The following DEXI variants were observed in gnomAD, a reference collection of about 807,000 sequenced individuals.
DEXI encodes the protein Dexi homolog, also known as dexamethasone-induced protein.
DEXI carries 2 observed loss-of-function variants against 2.5 expected under a neutral mutation model. That is an observed-to-expected ratio of 0.81 (90% CI 0.33 to 2.55). The LOEUF (loss-of-function observed/expected upper bound fraction) is 2.55. DEXI is among the 30% of genes most tolerant of loss of function. DEXI has a pLI of 0.11. For synonymous variants in DEXI, 71 were observed against 68.7 expected, an observed-to-expected ratio of 1.03 and a Z score of -0.17; for missense variants, 108 against 130.3, an observed-to-expected ratio of 0.83 and a Z score of 0.83.
At position 10,934,752 on chromosome 16, in the gene DEXI, G is replaced by A. The variant is rs1332535026; in HGVS notation, c.*150-5193C>T. On this transcript the variant is annotated intron_variant, in intron 1 of 1. Coordinates refer to ENST00000331808, the MANE Select transcript of DEXI (RefSeq NM_014015.4). This position sits in a 1 kb window ranked among gnomAD's most constrained non-coding sequence, Gnocchi z 4.2. ...CCCAGCCAAGCCCCTTGCCAGGAGG[G>A]ACTCCCAGAAATGAAGCCTTACCCT... The A allele has an allele frequency of 1.3e-5, 2 of 152,134 alleles. No individual in the cohort carries two copies. The highest frequency in any genetic ancestry group is 4.8e-5 in the African/African-American group (2 of 41,426). 9.4% of individuals were successfully genotyped at this position (152,134 alleles called of 1,614,324 possible).
rs2041064519 is a variant in DEXI at position 10,938,863 on chromosome 16, A to T, written c.*149+2706T>A. The T allele has an allele frequency of 1.3e-5, 2 of 152,210 alleles. No individual in the cohort carries two copies. Among genetic ancestry groups the T allele is most frequent in the African/African-American group, 4.8e-5 (2 of 41,438 alleles). The allele number at this position is 152,210 out of a possible 1,614,324, so 9.4% of individuals were successfully genotyped here. A position where few individuals can be genotyped will look rare whatever the true frequency, so the allele number is the denominator to read the frequency against. On this transcript the variant is annotated intron_variant, in intron 1 of 1. Transcript: ENST00000331808. The surrounding 1 kb of genome is among the most constrained non-coding windows in gnomAD (Gnocchi z 4.9). The stretch of plus-strand genomic sequence containing the variant: ...CAGCGTTTGCTGCAAAATATGTCGA[A>T]GCATTTGGGATTCAGTTTTTAGTTC...
chr16:10,929,260 G>C lies in DEXI; in HGVS notation c.*449C>G. 2 of 985,722 alleles carry C rather than the reference G, an allele frequency of 2.0e-6. No individual in the cohort carries two copies. Among genetic ancestry groups the C allele is most frequent in the South Asian group, 4.7e-5 (1 of 21,278 alleles). 61.1% of individuals were successfully genotyped at this position (985,722 alleles called of 1,614,324 possible). A position where few individuals can be genotyped will look rare whatever the true frequency, so the allele number is the denominator to read the frequency against. ...TCGCTTTTGCGTGTGTCCGCAGTTT[G>C]AAGTGTCCTCTCCGAAGGTGAAGTG... On this transcript the variant is annotated 3_prime_UTR_variant, in exon 2 of 2. Transcript: ENST00000331808. This position sits in a 1 kb window ranked among gnomAD's most constrained non-coding sequence, Gnocchi z 4.3.
Position 10,939,401 on chromosome 16 carries a change from G to A in DEXI, c.*149+2168C>T, listed in dbSNP as rs908531047. 2 of 152,258 alleles carry A rather than the reference G, an allele frequency of 1.3e-5. No individual in the cohort carries two copies. The highest frequency in any genetic ancestry group is 4.8e-5 in the African/African-American group (2 of 41,436). The allele number at this position is 152,258 out of a possible 1,614,324, so 9.4% of individuals were successfully genotyped here. A position where few individuals can be genotyped will look rare whatever the true frequency, so the allele number is the denominator to read the frequency against. On this transcript the variant is annotated intron_variant, in intron 1 of 1. Transcript: ENST00000331808. The surrounding 1 kb of genome is among the most constrained non-coding windows in gnomAD (Gnocchi z 4.9). ...TAGAACCTTCCAATGGCTTTCCACT[G>A]CTCTTGGCTATGGCCTTCCAGGTCC... is the stretch of plus-strand genomic sequence containing the variant.
rs760417209 is a variant in DEXI at position 10,941,751 on chromosome 16, C to A, written c.255G>T (p.Ser85=). The A allele has an allele frequency of 6.8e-6, 11 of 1,612,082 alleles. No individual in the cohort carries two copies. Among genetic ancestry groups the A allele is most frequent in the Admixed American group, 1.7e-5 (1 of 59,856 alleles). ...DPGSGLYDAD[S]ELDVFDAYLE ...AGTACGCATCAAAGACGTCGAGCTC[C>A]GAGTCAGCATCGTAAAGGCCCGAGC... Residue 85 remains serine (S), a synonymous_variant, in exon 1 of 2, where the codon TCG becomes TCT. Transcript: ENST00000331808. The surrounding 1 kb of genome is among the most constrained non-coding windows in gnomAD (Gnocchi z 6.4).
At position 10,929,305 on chromosome 16, in the gene DEXI, G is replaced by A. The variant is rs770452606; in HGVS notation, c.*404C>T. The A allele has an allele frequency of 4.2e-5, 41 of 985,828 alleles. No homozygotes were observed. In the East Asian group the frequency reaches 4.5e-4, roughly 11 times the overall value. The allele number at this position is 985,828 out of a possible 1,614,324, so 61.1% of individuals were successfully genotyped here. A position where few individuals can be genotyped will look rare whatever the true frequency, so the allele number is the denominator to read the frequency against. Reference sequence around the variant, plus strand: ...GAAGTGGGGGAAGCAGGTGCGCTCCGGGATGAAGTGCAGGGAGGCAAACTC... The same window carrying A: ...GAAGTGGGGGAAGCAGGTGCGCTCCAGGATGAAGTGCAGGGAGGCAAACTC... On this transcript the variant is annotated 3_prime_UTR_variant, in exon 2 of 2. Coordinates refer to ENST00000331808, the MANE Select transcript of DEXI (RefSeq NM_014015.4). This position sits in a 1 kb window ranked among gnomAD's most constrained non-coding sequence, Gnocchi z 4.3.
chr16:10,942,297 C>A lies in DEXI; in HGVS notation c.-292G>T, dbSNP rs1221252915. The A allele has an allele frequency of 6.5e-6, 2 of 305,492 alleles. No homozygotes were observed. The highest frequency in any genetic ancestry group is 1.2e-5 in the Non-Finnish European group (2 of 164,536). The allele number at this position is 305,492 out of a possible 1,614,324, so 18.9% of individuals were successfully genotyped here. ...CGGCTCCCTCGTGGCGCCTCCCTGG[C>A]GCTCGCAGGGCCTCGCAGAGCCGGT... On this transcript the variant is annotated 5_prime_UTR_variant, in exon 1 of 2. Transcript: ENST00000331808. This position sits in a 1 kb window ranked among gnomAD's most constrained non-coding sequence, Gnocchi z 5.0.
Position 10,934,975 on chromosome 16 carries a change from C to G in DEXI, c.*150-5416G>C, listed in dbSNP as rs2145397146. Reference sequence around the variant, plus strand: ...AAGGAAAGGGGGAAGGCTTCCTGGGCTAGAGCCCCTTCAGGGTCTGACACG... The same window carrying G: ...AAGGAAAGGGGGAAGGCTTCCTGGGGTAGAGCCCCTTCAGGGTCTGACACG... On this transcript the variant is annotated intron_variant, in intron 1 of 1. Transcript: ENST00000331808. This position sits in a 1 kb window ranked among gnomAD's most constrained non-coding sequence, Gnocchi z 4.2. 1 of 152,396 alleles carries G rather than the reference C, an allele frequency of 6.6e-6. No individual in the cohort carries two copies. Among genetic ancestry groups the G allele is most frequent in the African/African-American group, 2.4e-5 (1 of 41,576 alleles). The allele number at this position is 152,396 out of a possible 1,614,324, so 9.4% of individuals were successfully genotyped here.
At chr16:10,935,877 A>T (rs924350326) in intron 1 of DEXI, 6 of 152,248 alleles carry the variant, frequency 3.9e-5, no homozygotes, top group Admixed American at 3.9e-4. Flanking sequence ...AGACAGACTG[A>T]AGAGCTGATC....
At chr16:10,930,638 C>T (rs140885026) in intron 1 of DEXI, 2 of 152,280 alleles carry the variant, frequency 1.3e-5, no homozygotes, top group East Asian at 3.9e-4. Context: ...TTGGTAATAA[C>T]GATGGAAACG....
chr16:10,936,710 C>T (rs1393700193), intron 1 of DEXI: 1 of 152,196 alleles, frequency 6.6e-6, no homozygotes, highest in African/African-American at 2.4e-5. Context: ...GGATGGGGAG[C>T]CCTCACTGGA....
Position 10,934,167 on chromosome 16 carries a change from G to C in DEXI, c.*150-4608C>G, listed in dbSNP as rs1370454443. 6.6e-6 allele frequency: 1 copy of C among 152,230 alleles called. No individual in the cohort carries two copies. The highest frequency in any genetic ancestry group is 1.5e-5 in the Non-Finnish European group (1 of 68,042). 9.4% of individuals were successfully genotyped at this position (152,230 alleles called of 1,614,324 possible). A position where few individuals can be genotyped will look rare whatever the true frequency, so the allele number is the denominator to read the frequency against. ...CGCCCAAGACTCCCTGAGCCCTCTGGAAGGGCAGCACTTGCCCAGTGCCTC... is the reference window on the plus strand; with the variant it reads ...CGCCCAAGACTCCCTGAGCCCTCTGCAAGGGCAGCACTTGCCCAGTGCCTC... On this transcript the variant is annotated intron_variant, in intron 1 of 1. Coordinates refer to ENST00000331808, the MANE Select transcript of DEXI (RefSeq NM_014015.4). This position sits in a 1 kb window ranked among gnomAD's most constrained non-coding sequence, Gnocchi z 4.2.
rs1011014929 is a variant in DEXI, at chr16:10,939,056, A to G, written c.*149+2513T>C. ...GGCCCTTAGCACACGGCCTGGCAGA[A>G]GAGCAGGCAGGGTCAAAGTCTGTTG... On this transcript the variant is annotated intron_variant, in intron 1 of 1. Transcript: ENST00000331808. This position sits in a 1 kb window ranked among gnomAD's most constrained non-coding sequence, Gnocchi z 4.9. 1 of 152,242 alleles carries G rather than the reference A, an allele frequency of 6.6e-6. No individual in the cohort carries two copies. Among genetic ancestry groups the G allele is most frequent in the African/African-American group, 2.4e-5 (1 of 41,462 alleles). The allele number at this position is 152,242 out of a possible 1,614,324, so 9.4% of individuals were successfully genotyped here.
At position 10,929,113 on chromosome 16, in the gene DEXI, A is replaced by T. The variant is rs1470184030; in HGVS notation, c.*596T>A. ...GCGAGAATCCCACCCTCAGCCCCCC[A>T]ACAGCTTCCTCAGCTTCTTTTTCTT... On this transcript the variant is annotated 3_prime_UTR_variant, in exon 2 of 2. Transcript: ENST00000331808. The surrounding 1 kb of genome is among the most constrained non-coding windows in gnomAD (Gnocchi z 4.3). 1.4e-6 allele frequency: 1 copy of T among 739,378 alleles called. No individual in the cohort carries two copies. Among genetic ancestry groups the T allele is most frequent in the African/African-American group, 1.9e-5 (1 of 52,254 alleles). The allele number at this position is 739,378 out of a possible 1,614,324, so 45.8% of individuals were successfully genotyped here. A position where few individuals can be genotyped will look rare whatever the true frequency, so the allele number is the denominator to read the frequency against.
chr16:10,941,953 G>T lies in DEXI; in HGVS notation c.53C>A (p.Pro18His). The T allele has an allele frequency of 6.4e-7, 1 of 1,570,448 alleles. No homozygotes were observed. The highest frequency in any genetic ancestry group is 8.6e-7 in the Non-Finnish European group (1 of 1,158,856). ...GGGCAGCAGCGGCGGCGGCACGTAGGGGACCAGGGGGCCCAGTGCGTCCAG... is the reference window on the plus strand; with the variant it reads ...GGGCAGCAGCGGCGGCGGCACGTAGTGGACCAGGGGGCCCAGTGCGTCCAG... ...AHLDALGPLV[P>H]YVPPPLLPSM... The change falls in exon 1 of 2, where the codon CCC becomes CAC. Residue 18 changes from proline (P) to histidine (H), a missense_variant. Transcript: ENST00000331808. The surrounding 1 kb of genome is among the most constrained non-coding windows in gnomAD (Gnocchi z 6.4).
chr16:10,931,610 A>G (rs966012765), intron 1 of DEXI: 1 of 152,150 alleles, frequency 6.6e-6, no homozygotes, highest in African/African-American at 2.4e-5. Context: ...TTGGGAGGCT[A>G]AGGTGGGTGG....
intron 1 of DEXI, chr16:10,936,172 T>C (rs2041015310): frequency 6.6e-6 from 1 of 152,032 alleles, no homozygotes; most frequent in South Asian, 2.1e-4. Context: ...TTTTTCCTAC[T>C]TTTTGTAGAG....
rs1295037967 is a variant in DEXI, at chr16:10,938,040, T to C, written c.*149+3529A>G. 1 of 152,276 alleles carries C rather than the reference T, an allele frequency of 6.6e-6. No individual in the cohort carries two copies. Among genetic ancestry groups the C allele is most frequent in the Non-Finnish European group, 1.5e-5 (1 of 68,058 alleles). The allele number at this position is 152,276 out of a possible 1,614,324, so 9.4% of individuals were successfully genotyped here. A position where few individuals can be genotyped will look rare whatever the true frequency, so the allele number is the denominator to read the frequency against. Reference sequence around the variant, plus strand: ...GAGTATAGGTGCAGGTTTGTACATTTGCAAGGGCATGGGTATAACACGCTT... The same window carrying C: ...GAGTATAGGTGCAGGTTTGTACATTCGCAAGGGCATGGGTATAACACGCTT... On this transcript the variant is annotated intron_variant, in intron 1 of 1. Coordinates refer to ENST00000331808, the MANE Select transcript of DEXI (RefSeq NM_014015.4). This position sits in a 1 kb window ranked among gnomAD's most constrained non-coding sequence, Gnocchi z 4.9.
In DEXI at chr16:10,929,588, A is replaced by G. The variant is rs2040688833; in HGVS notation, c.*150-29T>C. On this transcript the variant is annotated intron_variant, in intron 1 of 1. Transcript: ENST00000331808. This position sits in a 1 kb window ranked among gnomAD's most constrained non-coding sequence, Gnocchi z 4.3. Reference sequence around the variant, plus strand: ...ACAAGAAGGAAAAAGGGGGGTTATTAGCACGGAAGCCCCACCCTGCCACCA... The same window carrying G: ...ACAAGAAGGAAAAAGGGGGGTTATTGGCACGGAAGCCCCACCCTGCCACCA... 1.9e-5 allele frequency: 19 copies of G among 984,208 alleles called. No individual in the cohort carries two copies. The highest frequency in any genetic ancestry group is 1.9e-5 in the Non-Finnish European group (16 of 828,958). 61.0% of individuals were successfully genotyped at this position (984,208 alleles called of 1,614,324 possible).
At position 10,939,104 on chromosome 16, in the gene DEXI, G is replaced by A. The variant is rs1381856741; in HGVS notation, c.*149+2465C>T. 1 of 152,178 alleles carries A rather than the reference G, an allele frequency of 6.6e-6. No homozygotes were observed. Among genetic ancestry groups the A allele is most frequent in the Admixed American group, 6.5e-5 (1 of 15,280 alleles). 9.4% of individuals were successfully genotyped at this position (152,178 alleles called of 1,614,324 possible). On this transcript the variant is annotated intron_variant, in intron 1 of 1. Coordinates refer to ENST00000331808, the MANE Select transcript of DEXI (RefSeq NM_014015.4). The surrounding 1 kb of genome is among the most constrained non-coding windows in gnomAD (Gnocchi z 4.9). ...TTGAATGAGTGAGTGCATATGCAAA[G>A]GGCCTAGACACAGGAGTGCGATACA...
Sources: gnomAD v4.1 joint callset for allele counts on GRCh38, gnomAD v4.1.1 for gene constraint, Gnocchi (gnomAD v3.1) non-coding constraint, MANE v1.5 for transcripts, NCBI Gene and HGNC (gene_info 2026-07-23, HGNC 2026-07-21) for gene names.